The following MAP2K5 variants were observed in gnomAD, a reference collection of about 807,000 sequenced individuals.
MAP2K5 encodes the protein dual specificity mitogen-activated protein kinase kinase 5.
MAP2K5 carries 49 observed loss-of-function variants against 83.1 expected under a neutral mutation model. That is an observed-to-expected ratio of 0.59 (90% CI 0.47 to 0.75). The LOEUF is 0.75. Among genes scored for constraint, MAP2K5 ranks in the 30% least tolerant of loss-of-function variants. MAP2K5 has a pLI of 0.00. For missense variants in MAP2K5, 457 were observed against 557.5 expected (o/e 0.82, Z 1.82); for synonymous variants, 202 against 191.8 (o/e 1.05, Z -0.44).
rs1226973917 is a variant in MAP2K5, at chr15:67,769,508, C to A, written c.1135-94C>A. 1.8e-6 allele frequency: 2 copies of A among 1,095,370 alleles called. No homozygotes were observed. Among genetic ancestry groups the A allele is most frequent in the Non-Finnish European group, 2.8e-6 (2 of 718,774 alleles). 67.9% of individuals were successfully genotyped at this position (1,095,370 alleles called of 1,614,324 possible). A position where few individuals can be genotyped will look rare whatever the true frequency, so the allele number is the denominator to read the frequency against. ...GAGGCCTTATTCTCATTGTATTCAT[C>A]TTTATACTCATCCTTCACATGGGTG... is the stretch of plus-strand genomic sequence containing the variant. On this transcript the variant is annotated intron_variant, in intron 19 of 21. Coordinates refer to ENST00000178640, the MANE Select transcript of MAP2K5 (RefSeq NM_145160.3). This position sits in a 1 kb window ranked among gnomAD's most constrained non-coding sequence, Gnocchi z 5.2.
intron 6 of MAP2K5, among the ~76,000 whole-genome samples, chr15:67,590,538 C>T (rs1185355830): frequency 1.3e-5 from 2 of 150,948 alleles, no homozygotes; most frequent in African/African-American, 2.4e-5. Context: ...TGCACAATTA[C>T]GGGTCACCAC....
chr15:67,690,215 A>G lies in MAP2K5; in HGVS notation c.848-2264A>G, dbSNP rs984480659. 2.6e-5 allele frequency among the ~76,000 whole-genome samples: 4 copies of G among 152,256 alleles called. No individual in the cohort carries two copies. Among genetic ancestry groups the G allele is most frequent in the South Asian group, 2.1e-4 (1 of 4,834 alleles). ...GGGCCCATGATAAGAACTAGATTTG[A>G]AAAATAAGACCAAACTATGTAGAAT... On this transcript the variant is annotated intron_variant, in intron 13 of 21. Coordinates refer to ENST00000178640, the MANE Select transcript of MAP2K5 (RefSeq NM_145160.3). This position sits in a 1 kb window ranked among gnomAD's most constrained non-coding sequence, Gnocchi z 4.3.
chr15:67,629,238 G>A (rs768865065), intron 8 of MAP2K5: 3 of 617,308 alleles, frequency 4.9e-6, no homozygotes, highest in Non-Finnish European at 9.0e-6. Context: ...CACGGTGGTG[G>A]CAGGGCCTAG....
intron 2 of MAP2K5, among the ~76,000 whole-genome samples, chr15:67,556,951 A>T (rs1287090862): frequency 6.6e-6 from 1 of 152,194 alleles, no homozygotes; most frequent in Non-Finnish European, 1.5e-5. Context: ...TTGATTCCAC[A>T]CCAGTTATGG....
chr15:67,672,802 G>A (rs1318011065), intron 13 of MAP2K5, among the ~76,000 whole-genome samples: 8 of 147,568 alleles, frequency 5.4e-5, no homozygotes, highest in South Asian at 2.2e-4. Flanking sequence ...TAAGTCTAAC[G>A]TTTAAGTCTT....
Position 67,769,989 on chromosome 15 carries a change from C to A in MAP2K5, c.1196+326C>A. ...AATTTTATAGCCCCTACTGAACGGA[C>A]GTACGAAGCTTATTTTTATTAATGT... is the stretch of plus-strand genomic sequence containing the variant. On this transcript the variant is annotated intron_variant, in intron 20 of 21. Transcript: ENST00000178640. The surrounding 1 kb of genome is among the most constrained non-coding windows in gnomAD (Gnocchi z 5.2). The A allele has an allele frequency of 5.1e-6, 1 of 196,374 alleles. No individual in the cohort carries two copies. The highest frequency in any genetic ancestry group is 2.3e-5 in the African/African-American group (1 of 42,826). 12.2% of individuals were successfully genotyped at this position (196,374 alleles called of 1,614,324 possible). A position where few individuals can be genotyped will look rare whatever the true frequency, so the allele number is the denominator to read the frequency against.
chr15:67,604,948 C>CACTAAA (rs1567304487), intron 8 of MAP2K5, among the ~76,000 whole-genome samples: 1 of 151,972 alleles, frequency 6.6e-6, no homozygotes, highest in African/African-American at 2.4e-5. Flanking sequence ...AAAGGCTTAG[C>CACTAAA]GCTATGACTG....
At position 67,806,660 on chromosome 15, in the gene MAP2K5, C is replaced by G. The variant is rs746926291; in HGVS notation, c.1257C>G (p.Ile419Met). ...APEELMGHPF[I>M]VQFNDGNAAV... is the part of the protein sequence containing the mutation. ...CTTCCCCGCAGGGCCACCCGTTCAT[C>G]GTGCAGTTCAATGATGGAAATGCCG... is the stretch of plus-strand genomic sequence containing the variant. The change falls in exon 22 of 22, where the codon ATC becomes ATG. Residue 419 changes from isoleucine (I) to methionine (M), a missense_variant. Physicochemically the swap from Ile to Met is conservative, Grantham distance 10. Transcript: ENST00000178640. 1 of 1,550,990 alleles carries G rather than the reference C, an allele frequency of 6.4e-7. No homozygotes were observed. Among genetic ancestry groups the G allele is most frequent in the Admixed American group, 2.0e-5 (1 of 51,026 alleles).
chr15:67,795,896 ATG>A (rs1294391917), intron 21 of MAP2K5, among the ~76,000 whole-genome samples: 11 of 152,206 alleles, frequency 7.2e-5, no homozygotes, highest in Non-Finnish European at 1.6e-4. Flanking sequence ...TAAGGCAGTA[ATG>A]TTAAGTTGCA....
In MAP2K5 at chr15:67,760,232, G is replaced by C. The variant is rs1278116046; in HGVS notation, c.1135-9370G>C. On this transcript the variant is annotated intron_variant, in intron 19 of 21. Coordinates refer to ENST00000178640, the MANE Select transcript of MAP2K5 (RefSeq NM_145160.3). This position sits in a 1 kb window ranked among gnomAD's most constrained non-coding sequence, Gnocchi z 4.1. Reference sequence around the variant, plus strand: ...ACACAGCAGTAATCCAAAAGTTAATGTTCTGTTCACTTATAATTATATTTA... The same window carrying C: ...ACACAGCAGTAATCCAAAAGTTAATCTTCTGTTCACTTATAATTATATTTA... 6.6e-6 allele frequency among the ~76,000 whole-genome samples: 1 copy of C among 152,104 alleles called. No homozygotes were observed. Among genetic ancestry groups the C allele is most frequent in the East Asian group, 1.9e-4 (1 of 5,200 alleles).
chr15:67,743,061 T>G (rs968953861), intron 17 of MAP2K5, among the ~76,000 whole-genome samples: 1 of 152,246 alleles, frequency 6.6e-6, no homozygotes, highest in Non-Finnish European at 1.5e-5. Flanking sequence ...ATTTTCTGTC[T>G]GGTCCCATCA....
In MAP2K5 at chr15:67,781,085, C is replaced by G. The variant is rs1164710518; in HGVS notation, c.1242+8333C>G. Among the ~76,000 whole-genome samples the G allele has an allele frequency of 6.6e-6, 1 of 152,206 alleles. No homozygotes were observed. The highest frequency in any genetic ancestry group is 1.5e-5 in the Non-Finnish European group (1 of 68,044). ...CAGATGCATGCCACCCACTCCCCAG[C>G]TCTTGGGAATAATGGATTCAGTTGA... On this transcript the variant is annotated intron_variant, in intron 21 of 21. Coordinates refer to ENST00000178640, the MANE Select transcript of MAP2K5 (RefSeq NM_145160.3). The surrounding 1 kb of genome is among the most constrained non-coding windows in gnomAD (Gnocchi z 4.0).
chr15:67,713,597 A>G (rs1038819435), intron 16 of MAP2K5, among the ~76,000 whole-genome samples: 12 of 152,124 alleles, frequency 7.9e-5, no homozygotes, highest in Admixed American at 4.6e-4. Context: ...TTAGCTGGGC[A>G]TGGTGGCAGG....
intron 7 of MAP2K5, among the ~76,000 whole-genome samples, chr15:67,598,762 T>C (rs577260372): frequency 6.6e-6 from 1 of 152,282 alleles, no homozygotes; most frequent in South Asian, 2.1e-4. Context: ...CTGTGGCCCC[T>C]CCAGAGTGTA....
intron 13 of MAP2K5, among the ~76,000 whole-genome samples, chr15:67,689,148 G>A (rs139442924): frequency 2.0e-5 from 3 of 152,256 alleles, no homozygotes; most frequent in Non-Finnish European, 4.4e-5. Context: ...CCTTTGACTC[G>A]GGAGGCTGAG....
At chr15:67,741,653 G>A (rs967517819) in intron 17 of MAP2K5, among the ~76,000 whole-genome samples, 2 of 152,232 alleles carry the variant, frequency 1.3e-5, no homozygotes, top group Middle Eastern at 3.4e-3. Flanking sequence ...GGGCTTCTTG[G>A]GGGTGGGGGA....
chr15:67,621,018 T>A (rs536789868), intron 8 of MAP2K5, among the ~76,000 whole-genome samples: 62 of 151,752 alleles, frequency 4.1e-4, no homozygotes, highest in African/African-American at 1.4e-3. Context: ...TTGCATTTTT[T>A]AAAATACAGT....
At position 67,793,320 on chromosome 15, in the gene MAP2K5, A is replaced by G. The variant is rs1258008526; in HGVS notation, c.1243-13326A>G. Among the ~76,000 whole-genome samples the G allele has an allele frequency of 6.6e-6, 1 of 152,160 alleles. No homozygotes were observed. The highest frequency in any genetic ancestry group is 1.5e-5 in the Non-Finnish European group (1 of 68,034). On this transcript the variant is annotated intron_variant, in intron 21 of 21. Transcript: ENST00000178640. This position sits in a 1 kb window ranked among gnomAD's most constrained non-coding sequence, Gnocchi z 4.6. Reference sequence around the variant, plus strand: ...AAAATTCTTTAGCTCATTATTATGGACATTGTCTATTTGCCATGTTCTATA... The same window carrying G: ...AAAATTCTTTAGCTCATTATTATGGGCATTGTCTATTTGCCATGTTCTATA...
At chr15:67,756,327 T>C (rs754727362) in intron 19 of MAP2K5, among the ~76,000 whole-genome samples, 1 of 152,194 alleles carries the variant, frequency 6.6e-6, no homozygotes, top group East Asian at 1.9e-4. Flanking sequence ...AAAGTAAAGA[T>C]ACACATAAGT....
Sources: allele counts gnomAD v4.1 joint callset (sites outside exome capture counted in the v4.1 genomes callset), GRCh38; gene constraint gnomAD v4.1.1; non-coding constraint Gnocchi (gnomAD v3.1); transcripts MANE v1.5; gene names NCBI Gene and HGNC (gene_info 2026-07-23, HGNC 2026-07-21).